Variants in CD101 observed in about 807,000 individuals in gnomAD.
CD101 encodes CD101 molecule.
A neutral mutation model predicts 98.2 loss-of-function variants in CD101; 76 were observed. The ratio of observed to expected loss-of-function variants is 0.77; its 90% CI spans 0.64 to 0.94. CD101 has a LOEUF of 0.94. Ranked by LOEUF, CD101 falls within the 40% of genes least tolerant of loss-of-function variation. The pLI is 0.00. For missense variants in CD101, 1,145 were observed against 1,218.8 expected, an observed-to-expected ratio of 0.94 and a Z score of 0.90; for synonymous variants, 471 against 472.7, an observed-to-expected ratio of 1.00 and a Z score of 0.05.
chr1:117,016,976 C>A (rs60689130), intron 4 of CD101, 114 bp from the exon 5 acceptor site: 64,986 of 1,185,398 alleles, frequency 0.055, 4,641 homozygotes, highest in East Asian at 0.38. Context: ...GGAAACAGCC[C>A]AATTTGACTT....
At position 117,004,061 on chromosome 1, in the gene CD101, T is replaced by A. The variant is rs935621541; in HGVS notation, c.43+2201T>A. On this transcript the variant is annotated intron_variant, in intron 1 of 9. Coordinates refer to ENST00000682167, the MANE Select transcript of CD101 (RefSeq NM_001256106.3). The surrounding 1 kb of genome is among the most constrained non-coding windows in gnomAD (Gnocchi z 4.1). ...GAGATTAATGTCATGGGTAAATGAG[T>A]TCTCGGATTTAGCAGTTAGCTTTGT... 3.3e-5 allele frequency among the ~76,000 whole-genome samples: 5 copies of A among 152,056 alleles called. No individual in the cohort carries two copies. Among genetic ancestry groups the A allele is most frequent in the South Asian group, 2.1e-4 (1 of 4,826 alleles).
chr1:117,017,438 G>A lies in CD101; in HGVS notation c.1577G>A (p.Trp526Ter). 6.2e-7 allele frequency: 1 copy of A among 1,612,896 alleles called. No individual in the cohort carries two copies. The highest frequency in any genetic ancestry group is 8.5e-7 in the Non-Finnish European group (1 of 1,178,984). Reference protein sequence around the residue: ...KSRNQARDLSWTQKISVTVKS... With the variant: ...KSRNQARDLS Reference sequence around the variant, plus strand: ...CGGAACCAGGCCAGAGATCTGAGCTGGACTCAGAAGATTTCAGTTACTGTA... The same window carrying A: ...CGGAACCAGGCCAGAGATCTGAGCTAGACTCAGAAGATTTCAGTTACTGTA... The change falls in exon 5 of 10, where the codon TGG (tryptophan) becomes TAG (stop). Residue 526 changes from tryptophan to a stop codon, truncating the protein, a stop_gained. Transcript: ENST00000682167. LOFTEE classifies it high-confidence loss of function.
chr1:117,029,881 CT>C (rs980541660), intron 8 of CD101, among the ~76,000 whole-genome samples: 6 of 152,214 alleles, frequency 3.9e-5, no homozygotes, highest in African/African-American at 1.4e-4. Flanking sequence ...CTTGCCTTTT[CT>C]TCTCTATCTT....
In CD101 at chr1:117,025,856, C is replaced by T. The variant is rs1557776638; in HGVS notation, c.2776C>T (p.Gln926Ter). The change falls in exon 8 of 10, where the codon CAA becomes TAA. Residue 926 changes from glutamine to a stop codon, truncating the protein, a stop_gained. Transcript: ENST00000682167. LOFTEE classifies it high-confidence loss of function. ...TGGACACCCAAGCAAGTGGATTAATCAAGCATCCGATGAGTCACAGCGGAT... is the reference window on the plus strand; with the variant it reads ...TGGACACCCAAGCAAGTGGATTAATTAAGCATCCGATGAGTCACAGCGGAT... ...LHGHPSKWIN[Q>*]ASDESQRMVL... 1 of 1,613,916 alleles carries T rather than the reference C, an allele frequency of 6.2e-7. No individual in the cohort carries two copies. Among genetic ancestry groups the T allele is most frequent in the Non-Finnish European group, 8.5e-7 (1 of 1,179,864 alleles).
rs372247398 is a variant in CD101, at chr1:117,010,075, G to T, written c.269G>T (p.Arg90Leu). The change falls in exon 2 of 10, where the codon CGA (arginine) becomes CTA (leucine). Residue 90 changes from arginine (R) to leucine (L), a missense_variant. Arg to Leu is a moderately radical substitution (Grantham distance 102). Transcript: ENST00000682167. This position sits in a 1 kb window ranked among gnomAD's most constrained non-coding sequence, Gnocchi z 5.2. Reference protein sequence around the residue: ...FSYAVYTQRVRSGDVYVERVQ... With the variant: ...FSYAVYTQRVLSGDVYVERVQ... The stretch of plus-strand genomic sequence containing the variant: ...TACGCAGTATATACGCAGCGGGTGC[G>T]AAGCGGAGACGTCTACGTGGAGAGG... 6.2e-7 allele frequency: 1 copy of T among 1,614,118 alleles called. No individual in the cohort carries two copies. Among genetic ancestry groups the T allele is most frequent in the African/African-American group, 1.3e-5 (1 of 74,940 alleles).
rs1654597555 is a variant in CD101, at chr1:117,033,523, A to G, written c.2825-337A>G. The stretch of plus-strand genomic sequence containing the variant: ...CAACACTGTTGAGAACGAGGGTTGA[A>G]TTATAGATATCTTTTCTGAAGAAAG... On this transcript the variant is annotated intron_variant, in intron 8 of 9. Coordinates refer to ENST00000682167, the MANE Select transcript of CD101 (RefSeq NM_001256106.3). This position sits in a 1 kb window ranked among gnomAD's most constrained non-coding sequence, Gnocchi z 4.8. Among the ~76,000 whole-genome samples, 1 of 152,184 alleles carries G rather than the reference A, an allele frequency of 6.6e-6. No homozygotes were observed. The highest frequency in any genetic ancestry group is 2.4e-5 in the African/African-American group (1 of 41,434).
intron 8 of CD101, among the ~76,000 whole-genome samples, chr1:117,027,281 T>C (rs919410826): frequency 2.6e-5 from 4 of 152,190 alleles, no homozygotes; most frequent in Non-Finnish European, 5.9e-5. Context: ...TAAATAACTA[T>C]ATCAGGTTCT....
chr1:117,003,310 G>C (rs10494194), intron 1 of CD101, among the ~76,000 whole-genome samples: 30,147 of 152,130 alleles, frequency 0.2, 3,839 homozygotes, highest in Admixed American at 0.36. Context: ...GCACAAAGAG[G>C]TTGCTTAATA....
Position 117,033,916 on chromosome 1 carries a change from A to T in CD101, c.2881A>T (p.Ile961Phe). ...SSAPLLYFLF[I>F]CPFVLLLLLL... The stretch of plus-strand genomic sequence containing the variant: ...GGCCCCTTTACTCTATTTCCTGTTC[A>T]TCTGTCCCTTCGTCCTGCTCCTCCT... The change falls in exon 9 of 10, where the codon ATC becomes TTC. Residue 961 changes from isoleucine (I) to phenylalanine (F), a missense_variant. Ile to Phe is a conservative substitution (Grantham distance 21). Transcript: ENST00000682167. This position sits in a 1 kb window ranked among gnomAD's most constrained non-coding sequence, Gnocchi z 4.8. The T allele has an allele frequency of 6.2e-7, 1 of 1,613,926 alleles. No homozygotes were observed. Among genetic ancestry groups the T allele is most frequent in the Non-Finnish European group, 8.5e-7 (1 of 1,179,988 alleles).
At chr1:117,014,744 C>CT (rs1653106639) in intron 4 of CD101, among the ~76,000 whole-genome samples, 1 of 152,294 alleles carries the variant, frequency 6.6e-6, no homozygotes, top group Admixed American at 6.5e-5. Flanking sequence ...GTTGCACTGG[C>CT]TCATTGGAGA....
chr1:117,010,294 A>G lies in CD101; in HGVS notation c.424+64A>G, dbSNP rs2101118311. 6 of 1,503,662 alleles carry G rather than the reference A, an allele frequency of 4.0e-6. 1 individual carries two copies. The Admixed American group carries it at 1.2e-4, about 29-fold the overall frequency. The allele number at this position is 1,503,662 out of a possible 1,614,324, so 93.1% of individuals were successfully genotyped here. A position where few individuals can be genotyped will look rare whatever the true frequency, so the allele number is the denominator to read the frequency against. Reference sequence around the variant, plus strand: ...AAGCCAGAGTCTCCACCATGACAATATCTTGCAATATGACATGGCTTTATA... The same window carrying G: ...AAGCCAGAGTCTCCACCATGACAATGTCTTGCAATATGACATGGCTTTATA... On this transcript the variant is annotated intron_variant, in intron 2 of 9. Coordinates refer to ENST00000682167, the MANE Select transcript of CD101 (RefSeq NM_001256106.3). This position sits in a 1 kb window ranked among gnomAD's most constrained non-coding sequence, Gnocchi z 5.2.
rs1001289401 is a variant in CD101, at chr1:117,033,012, G to A, written c.2825-848G>A. On this transcript the variant is annotated intron_variant, in intron 8 of 9. Coordinates refer to ENST00000682167, the MANE Select transcript of CD101 (RefSeq NM_001256106.3). This position sits in a 1 kb window ranked among gnomAD's most constrained non-coding sequence, Gnocchi z 4.8. ...TCAGCAAAAGTTACTGAGCACATGT[G>A]CTAGGCACTGTAGGGGATATAGAAA... The A allele has an allele frequency of 3.3e-5, 5 of 152,408 alleles. No homozygotes were observed. In the South Asian group the frequency reaches 1.0e-3, roughly 32 times the overall value. 9.4% of individuals were successfully genotyped at this position (152,408 alleles called of 1,614,324 possible).
chr1:117,009,612 A>G (rs1185273315), intron 1 of CD101, among the ~76,000 whole-genome samples: 1 of 152,234 alleles, frequency 6.6e-6, no homozygotes, highest in Admixed American at 6.5e-5. Context: ...ATGAAGCTAA[A>G]TTTTTTTAAG....
At chr1:117,035,839 A>G (rs1403512057) in intron 9 of CD101, among the ~76,000 whole-genome samples, 1 of 152,200 alleles carries the variant, frequency 6.6e-6, no homozygotes, top group Non-Finnish European at 1.5e-5. Context: ...GGCGTGAGCC[A>G]CCACGCCCGG....
chr1:117,014,071 T>C (rs755824280), intron 4 of CD101, among the ~76,000 whole-genome samples: 3 of 152,176 alleles, frequency 2.0e-5, no homozygotes, highest in Non-Finnish European at 4.4e-5. Context: ...CACAACTAGA[T>C]GGTCTTTAAG....
At position 117,001,795 on chromosome 1, in the gene CD101, GA is replaced by G; in HGVS notation, c.-18del. 6.2e-7 allele frequency: 1 copy of G among 1,612,842 alleles called. No homozygotes were observed. Among genetic ancestry groups the G allele is most frequent in the African/African-American group, 1.3e-5 (1 of 74,978 alleles). ...TGAATGTTAGTGACACTATTGGGACGAAAAAGGACTGTGCTGGCCCAAATGG... is the reference window on the plus strand; with the variant it reads ...TGAATGTTAGTGACACTATTGGGACGAAAAGGACTGTGCTGGCCCAAATGG... On this transcript the variant is annotated 5_prime_UTR_variant, in exon 1 of 10. Coordinates refer to ENST00000682167, the MANE Select transcript of CD101 (RefSeq NM_001256106.3).
rs1307384543 is a variant in CD101, at chr1:117,025,636, G to T, written c.2556G>T (p.Trp852Cys). 6.2e-7 allele frequency: 1 copy of T among 1,614,158 alleles called. No homozygotes were observed. The highest frequency in any genetic ancestry group is 8.5e-7 in the Non-Finnish European group (1 of 1,180,026). ...SATLYSVMWY[W>C]NRENSGSKLL... ...CTCTGTACTCTGTGATGTGGTACTG[G>T]AACAGAGAAAACTCTGGAAGTAAAT... Residue 852 changes from tryptophan (W) to cysteine (C), a missense_variant, in exon 8 of 10, where the codon TGG becomes TGT. Trp to Cys is a radical substitution (Grantham distance 215, BLOSUM62 -2). Coordinates refer to ENST00000682167, the MANE Select transcript of CD101 (RefSeq NM_001256106.3).
chr1:117,023,945 G>A lies in CD101; in HGVS notation c.2429-1564G>A, dbSNP rs1653732756. ...ACTCCAGTAACAAAAACCACATAGA[G>A]GACAGAAAAGGACTAGAGGGTCCCT... On this transcript the variant is annotated intron_variant, in intron 7 of 9. Coordinates refer to ENST00000682167, the MANE Select transcript of CD101 (RefSeq NM_001256106.3). The surrounding 1 kb of genome is among the most constrained non-coding windows in gnomAD (Gnocchi z 4.4). 6.6e-6 allele frequency among the ~76,000 whole-genome samples: 1 copy of A among 152,178 alleles called. No homozygotes were observed. Among genetic ancestry groups the A allele is most frequent in the Non-Finnish European group, 1.5e-5 (1 of 68,040 alleles).
chr1:117,018,522 C>T lies in CD101; in HGVS notation c.1979C>T (p.Ala660Val). ...AACAACCGCCCCCCGAGGGCTTCTG[C>T]CATCTCTCACCCACTGAGGATAGCC... The part of the protein sequence containing the change: ...LYNNRPPRAS[A>V]ISHPLRIAVT... Residue 660 changes from alanine (A) to valine (V), a missense_variant, in exon 6 of 10, where the codon GCC becomes GTC. Transcript: ENST00000682167. The surrounding 1 kb of genome is among the most constrained non-coding windows in gnomAD (Gnocchi z 4.3). The T allele has an allele frequency of 1.9e-6, 3 of 1,609,754 alleles. No homozygotes were observed. Among genetic ancestry groups the T allele is most frequent in the South Asian group, 2.2e-5 (2 of 90,868 alleles).
Sources: allele counts gnomAD v4.1 joint callset (sites outside exome capture counted in the v4.1 genomes callset), GRCh38; gene constraint gnomAD v4.1.1; non-coding constraint Gnocchi (gnomAD v3.1); transcripts MANE v1.5; gene names NCBI Gene and HGNC (gene_info 2026-07-23, HGNC 2026-07-21).